Variants in BCAR3 observed in about 807,000 individuals in gnomAD.
BCAR3 encodes BCAR3 adaptor protein, NSP family member.
Under a neutral mutation model 80.1 loss-of-function variants are expected in BCAR3, and 37 were observed. That is an observed-to-expected ratio of 0.46 (90% CI 0.36 to 0.61). BCAR3 has a LOEUF of 0.61. BCAR3 is among the 20% of genes least tolerant of loss of function. The probability of loss-of-function intolerance (pLI) is 0.00; values close to 1 mark genes in which losing one functional copy is unlikely to be tolerated. For missense variants in BCAR3, 978 were observed against 1,068.2 expected (o/e 0.92, Z 1.18); for synonymous variants, 389 against 418.9 (o/e 0.93, Z 0.87).
intron 2 of BCAR3, among the ~76,000 whole-genome samples, chr1:93,831,052 G>A (rs746696853): frequency 5.9e-5 from 9 of 152,092 alleles, no homozygotes; most frequent in African/African-American, 9.7e-5. Flanking sequence ...CTCTGGTGGC[G>A]GTCACAGACT....
At chr1:93,602,115 T>G (rs1387456480) in intron 3 of BCAR3, 2 of 152,272 alleles carry the variant, frequency 1.3e-5, no homozygotes, top group South Asian at 4.1e-4. Flanking sequence ...CTAATTTCTT[T>G]TTCATTTTTT....
chr1:93,781,111 C>T (rs1339134599), intron 2 of BCAR3, among the ~76,000 whole-genome samples: 3 of 152,256 alleles, frequency 2.0e-5, no homozygotes, highest in African/African-American at 7.2e-5. Context: ...AAAGCACCTG[C>T]CCCTAGTCCA....
intron 2 of BCAR3, among the ~76,000 whole-genome samples, chr1:93,734,953 A>G (rs1239919860): frequency 3.9e-5 from 6 of 152,166 alleles, no homozygotes; most frequent in Non-Finnish European, 8.8e-5. Context: ...CCAGACACCC[A>G]TGATAATCTG....
chr1:93,822,192 T>C (rs1293860605), intron 2 of BCAR3, among the ~76,000 whole-genome samples: 4 of 151,836 alleles, frequency 2.6e-5, no homozygotes, highest in Non-Finnish European at 5.9e-5. Context: ...TTTTCTTTTT[T>C]TTTTTTTGAG....
chr1:93,653,933 C>T lies in BCAR3; in HGVS notation c.318-11590G>A, dbSNP rs78320854. 4.8e-3 allele frequency among the ~76,000 whole-genome samples: 730 copies of T among 152,328 alleles called. 3 individuals are homozygous for T. Among genetic ancestry groups the T allele is most frequent in the African/African-American group, 0.017 (695 of 41,568 alleles). On this transcript the variant is annotated intron_variant, in intron 2 of 11. Coordinates refer to ENST00000260502, the MANE Select transcript of BCAR3 (RefSeq NM_003567.4). ...ACCTGAGCGCAGGCCACCATCATCTCCCGCTGGACACCTGCAATACCTTCT... is the reference window on the plus strand; with the variant it reads ...ACCTGAGCGCAGGCCACCATCATCTTCCGCTGGACACCTGCAATACCTTCT...
In BCAR3 at chr1:93,642,366, T is replaced by C. The variant is rs1045964879; in HGVS notation, c.318-23A>G. ...TCCCTGAAAAGAGAAAATATAAATA[T>C]GAGAATGGTTGGGAACGATGCATTC... On this transcript the variant is annotated intron_variant, in intron 2 of 11. Coordinates refer to ENST00000260502, the MANE Select transcript of BCAR3 (RefSeq NM_003567.4). 11 of 1,602,856 alleles carry C rather than the reference T, an allele frequency of 6.9e-6. No homozygotes were observed. In the Middle Eastern group the frequency reaches 5.0e-4, roughly 72 times the overall value.
intron 2 of BCAR3, among the ~76,000 whole-genome samples, chr1:93,706,521 C>A (rs184660399): frequency 2.4e-3 from 364 of 152,254 alleles, no homozygotes; most frequent in African/African-American, 8.4e-3. Context: ...GATTACAGCA[C>A]AGACTCTGGA....
intron 2 of BCAR3, among the ~76,000 whole-genome samples, chr1:93,842,165 C>T (rs535660166): frequency 2.3e-3 from 218 of 94,984 alleles, no homozygotes; most frequent in African/African-American, 7.9e-3. Context: ...TTTTTTTTTC[C>T]CCAGAGATGG....
intron 2 of BCAR3, among the ~76,000 whole-genome samples, chr1:93,820,991 T>C (rs1046444132): frequency 2.0e-5 from 3 of 151,610 alleles, no homozygotes; most frequent in East Asian, 3.9e-4. Flanking sequence ...CTAGTTACAT[T>C]ATAAAAAAAC....
intron 3 of BCAR3, among the ~76,000 whole-genome samples, chr1:93,694,786 C>A (rs1476084175): frequency 2.6e-5 from 4 of 152,216 alleles, no homozygotes; most frequent in Non-Finnish European, 5.9e-5. Context: ...AAACCACACT[C>A]CTCCTGTTGT....
intron 3 of BCAR3, among the ~76,000 whole-genome samples, chr1:93,603,868 A>G (rs763700727): frequency 1.3e-4 from 20 of 152,224 alleles, no homozygotes; most frequent in Admixed American, 2.6e-4. Context: ...ATAAACATCT[A>G]TCTTATCTGG....
chr1:93,564,351 A>G (rs237433), intron 11 of BCAR3, among the ~76,000 whole-genome samples: 3,116 of 142,840 alleles, frequency 0.022, 106 homozygotes, highest in African/African-American at 0.077. Context: ...CTGAAGTGCA[A>G]TGGTGCAACC....
chr1:93,739,218 A>T (rs1395572575), intron 2 of BCAR3, among the ~76,000 whole-genome samples: 1 of 152,140 alleles, frequency 6.6e-6, no homozygotes, highest in African/African-American at 2.4e-5. Context: ...GCAACCTTAG[A>T]TGACCCCTAC....
chr1:93,680,458 T>C (rs1166998028), intron 1 of BCAR3, among the ~76,000 whole-genome samples: 3 of 152,116 alleles, frequency 2.0e-5, no homozygotes, highest in Non-Finnish European at 4.4e-5. Flanking sequence ...CCCTTCCCAC[T>C]TGGACCTGTG....
Position 93,786,796 on chromosome 1 carries a change from T to C in BCAR3, c.-63+58771A>G, listed in dbSNP as rs142717605. Among the ~76,000 whole-genome samples, 206 of 152,310 alleles carry C rather than the reference T, an allele frequency of 1.4e-3. 2 individuals are homozygous for C. The East Asian group carries it at 0.015, about 11-fold the overall frequency. On this transcript the variant is annotated intron_variant, in intron 2 of 13. Coordinates refer to the BCAR3 transcript ENST00000370244. ...GGAAATGGACAATCTGAAGCTTAATTTGAACCTGACATCAGGCTGAGGAAG... is the reference window on the plus strand; with the variant it reads ...GGAAATGGACAATCTGAAGCTTAATCTGAACCTGACATCAGGCTGAGGAAG...
chr1:93,784,882 T>G (rs1394129335), intron 2 of BCAR3, among the ~76,000 whole-genome samples: 3 of 152,228 alleles, frequency 2.0e-5, no homozygotes, highest in Admixed American at 2.0e-4. Context: ...ACTTTGACGT[T>G]GGTGCTCCCT....
At chr1:93,655,392 T>TG (rs1647325526) in intron 2 of BCAR3, among the ~76,000 whole-genome samples, 1 of 151,334 alleles carries the variant, frequency 6.6e-6, no homozygotes, top group Non-Finnish European at 1.5e-5. Context: ...GTGTGGGAGG[T>TG]GGGGGGATGG....
intron 2 of BCAR3, among the ~76,000 whole-genome samples, chr1:93,663,992 G>A (rs1180197727): frequency 6.6e-6 from 1 of 152,272 alleles, no homozygotes; most frequent in East Asian, 1.9e-4. Context: ...TCGACCTTGG[G>A]AATCCTTTTT....
At chr1:93,737,028 C>T (rs74993199) in intron 2 of BCAR3, among the ~76,000 whole-genome samples, 9,023 of 152,238 alleles carry the variant, frequency 0.059, 420 homozygotes, top group African/African-American at 0.13. Context: ...AGAAGCTCTC[C>T]AGGTGATCCT....
Sources: gnomAD v4.1 joint callset for allele counts (sites outside exome capture counted in the v4.1 genomes callset) on GRCh38, gnomAD v4.1.1 for gene constraint, MANE v1.5 for transcripts, NCBI Gene and HGNC (gene_info 2026-07-23, HGNC 2026-07-21) for gene names.